GRXCR1: variants seen among roughly 807,000 people sequenced by gnomAD.
GRXCR1 encodes glutaredoxin and cysteine rich domain containing 1, also known as glutaredoxin domain-containing cysteine-rich protein 1.
In GRXCR1, 27 loss-of-function variants were observed where a neutral mutation model predicts 27.3. The ratio of observed to expected loss-of-function variants is 0.99; its 90% confidence interval spans 0.73 to 1.37. The LOEUF (loss-of-function observed/expected upper bound fraction) is 1.37. GRXCR1 is among the 40% of genes most tolerant of loss of function. The pLI is 0.00. For synonymous variants in GRXCR1, 122 were observed against 131.1 expected (o/e 0.93, Z 0.47); for missense variants, 379 against 354.4 (o/e 1.07, Z -0.56).
intron 2 of GRXCR1, among the ~76,000 whole-genome samples, chr4:42,974,300 T>C (rs1748456872): frequency 6.6e-6 from 1 of 152,106 alleles, no homozygotes; most frequent in Non-Finnish European, 1.5e-5. Flanking sequence ...TCTTGTGGGT[T>C]CCTTTATTAG....
intron 2 of GRXCR1, among the ~76,000 whole-genome samples, chr4:42,975,456 A>T (rs969977709): frequency 2.0e-5 from 3 of 152,086 alleles, no homozygotes; most frequent in Non-Finnish European, 4.4e-5. Flanking sequence ...CAGCCCAATG[A>T]TTAATTAATA....
chr4:42,955,300 G>A (rs71610037), intron 1 of GRXCR1, among the ~76,000 whole-genome samples: 7,209 of 152,162 alleles, frequency 0.047, 214 homozygotes, highest in African/African-American at 0.08. Flanking sequence ...CATGCCCCGT[G>A]TGATGTAAGT....
intron 1 of GRXCR1, among the ~76,000 whole-genome samples, chr4:42,948,606 C>T (rs1000558138): frequency 6.6e-6 from 1 of 152,050 alleles, no homozygotes; most frequent in African/African-American, 2.4e-5. Flanking sequence ...CTCCCCGCCC[C>T]CACCCGCACC....
intron 2 of GRXCR1, among the ~76,000 whole-genome samples, chr4:42,986,637 C>T (rs570684642): frequency 3.3e-5 from 5 of 152,258 alleles, no homozygotes; most frequent in South Asian, 2.1e-4. Flanking sequence ...TTGTACTCCA[C>T]GTATGGTTTC....
At chr4:42,928,750 G>T (rs141559897) in intron 1 of GRXCR1, among the ~76,000 whole-genome samples, 2 of 152,042 alleles carry the variant, frequency 1.3e-5, no homozygotes, top group East Asian at 3.9e-4. Flanking sequence ...GCAAGGGAGG[G>T]TAAACAATTT....
intron 2 of GRXCR1, among the ~76,000 whole-genome samples, chr4:42,987,273 TATATAGAGAG>T (rs1711799189): frequency 9.5e-6 from 1 of 105,788 alleles, no homozygotes. Context: ...TATATATATA[TATATAGAGAG>T]AGAGAGAGAG....
At chr4:42,952,160 T>C (rs1163318793) in intron 1 of GRXCR1, among the ~76,000 whole-genome samples, 1 of 152,182 alleles carries the variant, frequency 6.6e-6, no homozygotes, top group African/African-American at 2.4e-5. Flanking sequence ...TTTTTCATGA[T>C]CAGAATTGAT....
At chr4:42,932,579 T>TAC (rs1182003546) in intron 1 of GRXCR1, among the ~76,000 whole-genome samples, 28 of 25,264 alleles carry the variant, frequency 1.1e-3, no homozygotes, top group Admixed American at 2.6e-3. Context: ...CTCCCTTCCA[T>TAC]ATATATATAT....
chr4:43,005,270 G>T (rs1402102557), intron 2 of GRXCR1, among the ~76,000 whole-genome samples: 1 of 152,136 alleles, frequency 6.6e-6, no homozygotes, highest in Non-Finnish European at 1.5e-5. Flanking sequence ...GAAATTGTGA[G>T]TCAATTAAAC....
chr4:42,906,258 A>G (rs1577900090), intron 1 of GRXCR1, among the ~76,000 whole-genome samples: 3 of 152,288 alleles, frequency 2.0e-5, no homozygotes, highest in Admixed American at 2.0e-4. Flanking sequence ...TCTAGTAGTC[A>G]TCTATTCTCT....
chr4:43,025,747 C>T (rs1435012665), intron 3 of GRXCR1, among the ~76,000 whole-genome samples: 3 of 152,116 alleles, frequency 2.0e-5, no homozygotes, highest in African/African-American at 4.8e-5. Flanking sequence ...GAGGCCAAGG[C>T]GGGCGGATCA....
intron 1 of GRXCR1, among the ~76,000 whole-genome samples, chr4:42,924,818 G>A (rs1222315119): frequency 6.6e-6 from 1 of 152,048 alleles, no homozygotes; most frequent in Non-Finnish European, 1.5e-5. Flanking sequence ...GATTGAGAAT[G>A]CAGGATGGGG....
chr4:43,030,430 G>A lies in GRXCR1; in HGVS notation c.763G>A (p.Gly255Arg), dbSNP rs1713390370. Residue 255 changes from glycine (G) to arginine (R), a missense_variant, in exon 4 of 4, where the codon GGG becomes AGG. Transcript: ENST00000399770. ...CTTTCTTCCATGCTCCGTGTGCCAT[G>A]GGAGCAAGATGTCCATGTTTCGAAA... Reference protein sequence around the residue: ...FGFLPCSVCHGSKMSMFRNCF... With the variant: ...FGFLPCSVCHRSKMSMFRNCF... The A allele has an allele frequency of 6.2e-7, 1 of 1,613,764 alleles. No individual in the cohort carries two copies. The highest frequency in any genetic ancestry group is 1.1e-5 in the South Asian group (1 of 91,058).
Position 42,948,851 on chromosome 4 carries a change from G to A in GRXCR1, c.385-14041G>A, listed in dbSNP as rs566211528. ...CAGAATGGGGGACCCTTTAGCAGCC[G>A]GCAAAGGCAAGACAAGGAATTCTCC... On this transcript the variant is annotated intron_variant, in intron 1 of 3. Transcript: ENST00000399770. Among the ~76,000 whole-genome samples the A allele has an allele frequency of 8.5e-5, 13 of 152,172 alleles. No individual in the cohort carries two copies. The South Asian group carries it at 2.5e-3, about 29-fold the overall frequency.
At chr4:42,914,710 G>A (rs1577903532) in intron 1 of GRXCR1, among the ~76,000 whole-genome samples, 3 of 152,106 alleles carry the variant, frequency 2.0e-5, no homozygotes, top group Admixed American at 6.6e-5. Context: ...TTGGGTCTTT[G>A]TCCCCACCCA....
intron 1 of GRXCR1, among the ~76,000 whole-genome samples, chr4:42,895,803 A>C (rs1746335257): frequency 6.6e-6 from 1 of 152,142 alleles, no homozygotes; most frequent in Non-Finnish European, 1.5e-5. Context: ...GGCATCCCAC[A>C]GAGAAGCCCC....
intron 1 of GRXCR1, among the ~76,000 whole-genome samples, chr4:42,949,081 C>T (rs1304905321): frequency 1.3e-5 from 2 of 152,028 alleles, no homozygotes; most frequent in Non-Finnish European, 2.9e-5. Flanking sequence ...CTGGGCCAGG[C>T]CCGGTGGCTC....
intron 2 of GRXCR1, among the ~76,000 whole-genome samples, chr4:42,992,866 T>C (rs1577936049): frequency 6.6e-6 from 1 of 152,170 alleles, no homozygotes; most frequent in Non-Finnish European, 1.5e-5. Context: ...AATTTTGTAG[T>C]TCCTTTAGTT....
chr4:43,006,430 G>T (rs577795411), intron 2 of GRXCR1, among the ~76,000 whole-genome samples: 1 of 152,160 alleles, frequency 6.6e-6, no homozygotes, highest in Non-Finnish European at 1.5e-5. Context: ...ACATCCCTGG[G>T]AAAGAGAATA....
Sources: allele counts gnomAD v4.1 joint callset (sites outside exome capture counted in the v4.1 genomes callset), GRCh38; gene constraint gnomAD v4.1.1; transcripts MANE v1.5; gene names NCBI Gene and HGNC (gene_info 2026-07-23, HGNC 2026-07-21).